The following ABCB11 variants were observed in gnomAD, a reference collection of about 807,000 sequenced individuals.
ABCB11 encodes ATP binding cassette subfamily B member 11, also known as bile salt export pump.
ABCB11 carries 95 observed loss-of-function variants against 148.0 expected under a neutral mutation model. The ratio of observed to expected loss-of-function variants is 0.64; its 90% CI spans 0.54 to 0.76. The LOEUF (loss-of-function observed/expected upper bound fraction) is 0.76. ABCB11 is among the 30% of genes least tolerant of loss of function. The pLI, the probability that ABCB11 is intolerant of heterozygous loss-of-function variation, is 0.00. For missense variants in ABCB11, 1,523 were observed against 1,617.8 expected (o/e 0.94, Z 1.01); for synonymous variants, 591 against 555.4 (o/e 1.06, Z -0.90).
chr2:168,951,772 C>T (rs2105924113), intron 19 of ABCB11, among the ~76,000 whole-genome samples: 1 of 151,670 alleles, frequency 6.6e-6, no homozygotes, highest in South Asian at 2.1e-4. Flanking sequence ...CTGGCAAGGA[C>T]TTCCAGTACT....
At chr2:168,990,290 T>C (rs1286011448) in intron 9 of ABCB11, among the ~76,000 whole-genome samples, 1 of 152,186 alleles carries the variant, frequency 6.6e-6, no homozygotes, top group Non-Finnish European at 1.5e-5. Flanking sequence ...TTACTCATTA[T>C]TGGTATGTTC....
chr2:169,004,867 T>A (rs1694975061), intron 5 of ABCB11, among the ~76,000 whole-genome samples: 1 of 152,168 alleles, frequency 6.6e-6, no homozygotes. Context: ...TTCTCTCCCT[T>A]CCCCTATGAA....
rs1691075755 is a variant in ABCB11 at position 168,921,604 on chromosome 2, T to A, written c.*2018A>T. On this transcript the variant is annotated 3_prime_UTR_variant, in exon 28 of 28. Coordinates refer to ENST00000650372, the MANE Select transcript of ABCB11 (RefSeq NM_003742.4). ...TTGAGTGTTTTTCTAATCACTGCAT[T>A]GGCTCTGTTACTTCTAATTTCCTTT... Among the ~76,000 whole-genome samples the A allele has an allele frequency of 6.6e-6, 1 of 152,188 alleles. No homozygotes were observed. Among genetic ancestry groups the A allele is most frequent in the Non-Finnish European group, 1.5e-5 (1 of 68,024 alleles).
chr2:168,973,435 C>T (rs1216237472), intron 13 of ABCB11, among the ~76,000 whole-genome samples: 1 of 151,974 alleles, frequency 6.6e-6, no homozygotes, highest in Non-Finnish European at 1.5e-5. Context: ...ATGGAACCAC[C>T]ATCATATATG....
At position 169,015,977 on chromosome 2, in the gene ABCB11, C is replaced by A. The variant is rs141527783; in HGVS notation, c.98+801G>T. Among the ~76,000 whole-genome samples the A allele has an allele frequency of 1.1e-3, 162 of 152,270 alleles. 2 individuals carry two copies. The highest frequency in any genetic ancestry group is 3.6e-3 in the African/African-American group (148 of 41,558). On this transcript the variant is annotated intron_variant, in intron 3 of 27. Transcript: ENST00000650372. ...ATGCAATGCACACTTCATTTCTCTGCGGATTGCTCCCATTCTTCTCAGCAG... is the reference window on the plus strand; with the variant it reads ...ATGCAATGCACACTTCATTTCTCTGAGGATTGCTCCCATTCTTCTCAGCAG...
chr2:168,937,662 T>C (rs1047199635), intron 21 of ABCB11, among the ~76,000 whole-genome samples: 1 of 152,230 alleles, frequency 6.6e-6, no homozygotes, highest in Non-Finnish European at 1.5e-5. Context: ...GGGCTTGAGG[T>C]AATATTACTT....
chr2:168,973,166 A>G (rs1364802448), intron 13 of ABCB11, among the ~76,000 whole-genome samples: 2 of 99,666 alleles, frequency 2.0e-5, no homozygotes, highest in Non-Finnish European at 4.6e-5. Flanking sequence ...TAGACAGTTC[A>G]CTGAAGAGGC....
chr2:168,948,976 C>A (rs953222359), intron 19 of ABCB11, among the ~76,000 whole-genome samples: 1 of 151,550 alleles, frequency 6.6e-6, no homozygotes, highest in Non-Finnish European at 1.5e-5. Flanking sequence ...GAGTAGGGAA[C>A]TAAAATGTAA....
intron 9 of ABCB11, among the ~76,000 whole-genome samples, chr2:168,988,720 A>T (rs1400625601): frequency 1.3e-5 from 2 of 152,054 alleles, no homozygotes; most frequent in Non-Finnish European, 2.9e-5. Context: ...TTACTTTCCC[A>T]CCAAAAGCGA....
chr2:168,919,241 T>A (rs1691006944), downstream of ABCB11, among the ~76,000 whole-genome samples: 1 of 152,166 alleles, frequency 6.6e-6, no homozygotes, highest in East Asian at 1.9e-4. Flanking sequence ...CTCAGATGAG[T>A]CATAAGGTAA....
chr2:169,012,119 T>C (rs932788708), intron 5 of ABCB11, among the ~76,000 whole-genome samples: 4 of 152,154 alleles, frequency 2.6e-5, no homozygotes, highest in Admixed American at 2.0e-4. Context: ...GAAGGACTCA[T>C]TCATAGTCTG....
At chr2:169,008,480 A>G (rs1695086379) in intron 5 of ABCB11, among the ~76,000 whole-genome samples, 1 of 152,180 alleles carries the variant, frequency 6.6e-6, no homozygotes, top group African/African-American at 2.4e-5. Flanking sequence ...GCCCACCTGG[A>G]TAATCCAGGA....
At chr2:168,930,644 C>A in intron 25 of ABCB11, 21 bp downstream of exon 25, 2 of 1,470,566 alleles carry the variant, frequency 1.4e-6, no homozygotes, top group Non-Finnish European at 1.8e-6. Context: ...GCAAAATTCT[C>A]AAAAAGGTTG....
At chr2:168,951,932 G>A (rs1692587795) in intron 19 of ABCB11, among the ~76,000 whole-genome samples, 1 of 151,548 alleles carries the variant, frequency 6.6e-6, no homozygotes, top group South Asian at 2.1e-4. Flanking sequence ...CTAGTTTATT[G>A]AGAATATTTA....
chr2:168,961,723 T>A (rs1693085547), intron 18 of ABCB11, among the ~76,000 whole-genome samples: 1 of 151,708 alleles, frequency 6.6e-6, no homozygotes, highest in African/African-American at 2.4e-5. Context: ...ATGGGTATAG[T>A]CTCATCTCTG....
Position 169,013,258 on chromosome 2 carries a change from C to T in ABCB11, c.389+14G>A. 1 of 1,574,914 alleles carries T rather than the reference C, an allele frequency of 6.3e-7. No individual in the cohort carries two copies. Among genetic ancestry groups the T allele is most frequent in the Non-Finnish European group, 8.6e-7 (1 of 1,158,898 alleles). On this transcript the variant is annotated intron_variant, in intron 5 of 27. Coordinates refer to ENST00000650372, the MANE Select transcript of ABCB11 (RefSeq NM_003742.4). ...GAGCAAAAAAGTAAAAAATTAAAAACAAAAACAACCTACCCACAACGTGTT... is the reference window on the plus strand; with the variant it reads ...GAGCAAAAAAGTAAAAAATTAAAAATAAAAACAACCTACCCACAACGTGTT...
intron 19 of ABCB11, among the ~76,000 whole-genome samples, chr2:168,949,638 A>G (rs1197229666): frequency 6.6e-6 from 1 of 151,662 alleles, no homozygotes; most frequent in Non-Finnish European, 1.5e-5. Context: ...GCTATTGTGA[A>G]TAGTGTGACA....
At chr2:169,029,280 T>C (rs1446611470) in intron 1 of ABCB11, among the ~76,000 whole-genome samples, 1 of 151,984 alleles carries the variant, frequency 6.6e-6, no homozygotes, top group Non-Finnish European at 1.5e-5. Flanking sequence ...TTTCTTTTTT[T>C]TTTTTTTAAA....
rs375151067 is a variant in ABCB11, at chr2:168,935,229, C to A, written c.3011G>T (p.Gly1004Val). 3.7e-6 allele frequency: 6 copies of A among 1,613,906 alleles called. No individual in the cohort carries two copies. In the East Asian group the frequency reaches 1.1e-4, roughly 30 times the overall value. Reference protein sequence around the residue: ...IANSASYRYGGYLISNEGLHF... With the variant: ...IANSASYRYGVYLISNEGLHF... ...GAGCCCCTCATTGGAGATTAAGTAACCTCCATATCTGTAGGAAGCAGAATT... is the reference window on the plus strand; with the variant it reads ...GAGCCCCTCATTGGAGATTAAGTAAACTCCATATCTGTAGGAAGCAGAATT... The change falls in exon 23 of 28, where the codon GGT becomes GTT. Residue 1004 changes from glycine to valine, a missense_variant. Physicochemically the swap from Gly to Val is moderately radical, Grantham distance 109 (BLOSUM62 -3). Coordinates refer to ENST00000650372, the MANE Select transcript of ABCB11 (RefSeq NM_003742.4).
Sources: gnomAD v4.1 joint callset for allele counts (sites outside exome capture counted in the v4.1 genomes callset) on GRCh38, gnomAD v4.1.1 for gene constraint, MANE v1.5 for transcripts, NCBI Gene and HGNC (gene_info 2026-07-23, HGNC 2026-07-21) for gene names.